The following RGS12 variants were observed in gnomAD, a reference collection of about 807,000 sequenced individuals.
RGS12 encodes the protein regulator of G protein signaling 12, also known as regulator of G-protein signaling 12.
Under a neutral mutation model 120.1 loss-of-function variants are expected in RGS12, and 66 were observed. That is an observed-to-expected ratio of 0.55 (90% CI 0.45 to 0.67). RGS12 has a LOEUF of 0.67. Among genes scored for constraint, RGS12 ranks in the 30% least tolerant of loss-of-function variants. The probability of loss-of-function intolerance (pLI) is 0.00; values close to 1 mark genes in which losing one functional copy is unlikely to be tolerated. For missense variants in RGS12, 1,859 were observed against 1,957.7 expected (o/e 0.95, Z 0.95); for synonymous variants, 827 against 804.7 (o/e 1.03, Z -0.47).
upstream of RGS12, among the ~76,000 whole-genome samples, chr4:3,290,659 C>T (rs1259198082): frequency 1.3e-5 from 2 of 152,224 alleles, no homozygotes; most frequent in African/African-American, 2.4e-5. Flanking sequence ...TGGGTAGGGC[C>T]GCTGAGCCGC....
intron 4 of RGS12, among the ~76,000 whole-genome samples, chr4:3,393,590 G>T (rs1183219315): frequency 2.6e-5 from 4 of 152,102 alleles, no homozygotes; most frequent in Non-Finnish European, 5.9e-5. Context: ...TTTTTCATCA[G>T]GAATTACACC....
intron 3 of RGS12, among the ~76,000 whole-genome samples, chr4:3,379,005 ATGTGTGTGTGTGTGTGTG>A (rs3138719): frequency 2.7e-5 from 4 of 146,452 alleles, no homozygotes; most frequent in East Asian, 2.0e-4. Flanking sequence ...GAAATGTGCG[ATGTGTGTGTGTGTGTGTG>A]TGTGTGTGTG....
At chr4:3,297,357 C>T (rs1206525526) in intron 1 of RGS12, among the ~76,000 whole-genome samples, 3 of 152,218 alleles carry the variant, frequency 2.0e-5, no homozygotes, top group South Asian at 4.1e-4. Flanking sequence ...CCCCCAGAGG[C>T]GGGATCCTAA....
chr4:3,430,622 T>C lies in RGS12; in HGVS notation c.3781T>C (p.Trp1261Arg). ...RESASQPGEQ[W>R]EPVQESSDSP... Reference sequence around the variant, plus strand: ...GAGCGCCTCCCAGCCTGGCGAGCAGTGGGAGCCAGTCCAGGAGAGCAGCGA... The same window carrying C: ...GAGCGCCTCCCAGCCTGGCGAGCAGCGGGAGCCAGTCCAGGAGAGCAGCGA... Residue 1261 changes from tryptophan (W) to arginine (R), a missense_variant, in exon 17 of 18, where the codon TGG becomes CGG. Coordinates refer to ENST00000336727, the MANE Select transcript of RGS12 (RefSeq NM_001394154.1). 1.2e-6 allele frequency: 2 copies of C among 1,609,686 alleles called. No homozygotes were observed. The highest frequency in any genetic ancestry group is 1.7e-6 in the Non-Finnish European group (2 of 1,178,578).
At chr4:3,379,274 G>A (rs1250097060) in intron 3 of RGS12, among the ~76,000 whole-genome samples, 2 of 152,168 alleles carry the variant, frequency 1.3e-5, no homozygotes, top group Non-Finnish European at 2.9e-5. Context: ...AAGTTCTAGA[G>A]ACCTGATGTA....
chr4:3,331,759 G>GA (rs1408748375), intron 2 of RGS12, among the ~76,000 whole-genome samples: 1 of 152,208 alleles, frequency 6.6e-6, no homozygotes, highest in Non-Finnish European at 1.5e-5. Flanking sequence ...CATCCCCAGC[G>GA]AAAGGAAGGG....
At chr4:3,395,607 C>T (rs1366649340) in intron 4 of RGS12, among the ~76,000 whole-genome samples, 1 of 152,188 alleles carries the variant, frequency 6.6e-6, no homozygotes, top group African/African-American at 2.4e-5. Context: ...AACACTTTCC[C>T]TGTAGCCACA....
rs1161536009 is a variant in RGS12, at chr4:3,374,733, C to T, written c.1999-11683C>T. On this transcript the variant is annotated intron_variant, in intron 3 of 17. Coordinates refer to ENST00000336727, the MANE Select transcript of RGS12 (RefSeq NM_001394154.1). This position sits in a 1 kb window ranked among gnomAD's most constrained non-coding sequence, Gnocchi z 6.3. ...TCTCACCCCCATTGCTGCAGCCTGC[C>T]CTCGTCCCCATCTCTTGCCTGGAGC... Among the ~76,000 whole-genome samples, 4 of 152,056 alleles carry T rather than the reference C, an allele frequency of 2.6e-5. No homozygotes were observed. Among genetic ancestry groups the T allele is most frequent in the Non-Finnish European group, 4.4e-5 (3 of 68,004 alleles).
At chr4:3,308,170 A>C (rs553786638) in intron 1 of RGS12, among the ~76,000 whole-genome samples, 2 of 152,292 alleles carry the variant, frequency 1.3e-5, no homozygotes, top group East Asian at 3.9e-4. Context: ...CTGGTTGGGG[A>C]ATTGCAGGTC....
intron 2 of RGS12, among the ~76,000 whole-genome samples, chr4:3,318,751 C>A (rs536155255): frequency 3.3e-5 from 5 of 152,272 alleles, no homozygotes; most frequent in African/African-American, 9.6e-5. Context: ...CAGCAGGAGG[C>A]GGTGCTGCCA....
intron 3 of RGS12, chr4:3,370,399 G>T: frequency 7.5e-7 from 1 of 1,336,794 alleles, no homozygotes; most frequent in Non-Finnish European, 1.1e-6. Flanking sequence ...GTTTTAGCGA[G>T]TGGCAGCTGT....
At position 3,386,072 on chromosome 4, in the gene RGS12, G is replaced by GC. The variant is rs575502252; in HGVS notation, c.1999-339dup. 57 of 318,156 alleles carry GC rather than the reference G, an allele frequency of 1.8e-4. 1 individual carries two copies. The South Asian group carries it at 1.8e-3, about 10-fold the overall frequency. The allele number at this position is 318,156 out of a possible 1,614,324, so 19.7% of individuals were successfully genotyped here. On this transcript the variant is annotated intron_variant, in intron 3 of 17. Coordinates refer to ENST00000336727, the MANE Select transcript of RGS12 (RefSeq NM_001394154.1). ...GGCACTGAGTGGGCTGTTGGTGGCT[G>GC]CCCCCAGTGTGTGTGTCACTTACAG...
At chr4:3,347,528 TA>T (rs1403059178) in intron 3 of RGS12, among the ~76,000 whole-genome samples, 2 of 152,222 alleles carry the variant, frequency 1.3e-5, no homozygotes, top group Non-Finnish European at 2.9e-5. Flanking sequence ...ATAAAAGTCA[TA>T]AAAACATCTC....
chr4:3,411,994 C>T (rs1218584932), intron 4 of RGS12, among the ~76,000 whole-genome samples: 5 of 152,372 alleles, frequency 3.3e-5, no homozygotes, highest in Admixed American at 6.5e-5. Context: ...TGGCGGCCAC[C>T]GCGGTCACAC....
chr4:3,335,672 G>A (rs1210331682), intron 2 of RGS12, among the ~76,000 whole-genome samples: 2 of 152,192 alleles, frequency 1.3e-5, no homozygotes, highest in African/African-American at 4.8e-5. Flanking sequence ...TGGGCTGGGT[G>A]CCATGGCTCA....
chr4:3,403,586 G>A (rs1396913158), intron 4 of RGS12, among the ~76,000 whole-genome samples: 1 of 152,222 alleles, frequency 6.6e-6, no homozygotes, highest in Non-Finnish European at 1.5e-5. Context: ...ACACTTTTCT[G>A]AGGAGGTGCT....
chr4:3,353,338 C>T (rs1268194913), intron 3 of RGS12, among the ~76,000 whole-genome samples: 2 of 152,126 alleles, frequency 1.3e-5, no homozygotes, highest in Non-Finnish European at 2.9e-5. Context: ...ACACTGCGTC[C>T]TGGGGGGATG....
chr4:3,428,080 T>C lies in RGS12; in HGVS notation c.3332-10T>C, dbSNP rs1723849772. Reference sequence around the variant, plus strand: ...GAGTCCCTGAAGTCATAAAGCTTTCTTATGTTTAGCATCCGCAGATAAACA... The same window carrying C: ...GAGTCCCTGAAGTCATAAAGCTTTCCTATGTTTAGCATCCGCAGATAAACA... On this transcript the variant is annotated splice_polypyrimidine_tract_variant and intron_variant, in intron 14 of 17. Transcript: ENST00000336727. 2 of 1,612,422 alleles carry C rather than the reference T, an allele frequency of 1.2e-6. No homozygotes were observed. The highest frequency in any genetic ancestry group is 1.7e-6 in the Non-Finnish European group (2 of 1,178,812).
chr4:3,384,942 AGGTTG>A (rs1718672992), intron 3 of RGS12, among the ~76,000 whole-genome samples: 1 of 152,006 alleles, frequency 6.6e-6, no homozygotes, highest in Non-Finnish European at 1.5e-5. Context: ...CCCTGTGCCG[AGGTTG>A]GGGTGGTCAG....
Sources: gnomAD v4.1 joint callset for allele counts (sites outside exome capture counted in the v4.1 genomes callset) on GRCh38, gnomAD v4.1.1 for gene constraint, Gnocchi (gnomAD v3.1) non-coding constraint, MANE v1.5 for transcripts, NCBI Gene and HGNC (gene_info 2026-07-23, HGNC 2026-07-21) for gene names.